PRDM16: variants seen among roughly 807,000 people sequenced by gnomAD.
PRDM16 encodes PR/SET domain 16, also known as histone-lysine N-methyltransferase PRDM16.
Under a neutral mutation model 110.6 loss-of-function variants are expected in PRDM16, and 23 were observed. The ratio of observed to expected loss-of-function variants is 0.21; its 90% CI spans 0.15 to 0.29. The LOEUF is 0.29. Ranked by LOEUF, PRDM16 falls within the 10% of genes least tolerant of loss-of-function variation. The pLI is 1.00. For missense variants in PRDM16, 1,615 were observed against 1,794.3 expected, an observed-to-expected ratio of 0.90 and a Z score of 1.81; for synonymous variants, 799 against 781.8, an observed-to-expected ratio of 1.02 and a Z score of -0.37.
At chr1:3,073,718 C>G (rs970934571) in intron 1 of PRDM16, among the ~76,000 whole-genome samples, 1 of 152,192 alleles carries the variant, frequency 6.6e-6, no homozygotes, top group Non-Finnish European at 1.5e-5. Context: ...TCCCACTCCC[C>G]GCGCACAAAG....
At chr1:3,189,102 T>C (rs1225097875) in intron 2 of PRDM16, among the ~76,000 whole-genome samples, 1 of 152,202 alleles carries the variant, frequency 6.6e-6, no homozygotes, top group Non-Finnish European at 1.5e-5. Context: ...CTTCTTCCTC[T>C]TGCCGACTGC....
chr1:3,424,307 C>T (rs1185626477), intron 12 of PRDM16, among the ~76,000 whole-genome samples: 1 of 152,256 alleles, frequency 6.6e-6, no homozygotes, highest in South Asian at 2.1e-4. Flanking sequence ...GAGAACAACC[C>T]TCCCTTTCCC....
At chr1:3,303,324 T>G (rs1036907724) in intron 3 of PRDM16, among the ~76,000 whole-genome samples, 2 of 152,140 alleles carry the variant, frequency 1.3e-5, no homozygotes, top group Non-Finnish European at 1.5e-5. Flanking sequence ...CTATACAATG[T>G]GCCATCCTCA....
At chr1:3,222,292 G>A (rs1460653382) in intron 2 of PRDM16, among the ~76,000 whole-genome samples, 2 of 149,528 alleles carry the variant, frequency 1.3e-5, no homozygotes, top group Non-Finnish European at 2.9e-5. Context: ...GGGAGGGAGC[G>A]GTGCCCCAGC....
intron 10 of PRDM16, among the ~76,000 whole-genome samples, chr1:3,416,161 T>C (rs75063997): frequency 0.06 from 9,166 of 152,284 alleles, 325 homozygotes; most frequent in South Asian, 0.093. Flanking sequence ...TTTCTGGGTA[T>C]TTTTATCGTA....
Position 3,412,029 on chromosome 1 carries a change from C to T in PRDM16, c.1832C>T (p.Thr611Met), listed in dbSNP as rs200936355. Residue 611 changes from threonine to methionine, a missense_variant, in exon 9 of 17, where the codon ACG (threonine) becomes ATG (methionine). Thr to Met is a moderately conservative substitution (Grantham distance 81). Around this residue, in one of 5 missense-constraint regions of PRDM16, gnomAD observed 772 missense variants for 748.3 expected, o/e 1.03. Coordinates refer to ENST00000270722, the MANE Select transcript of PRDM16 (RefSeq NM_022114.4). Reference protein sequence around the residue: ...GSDFEDVNTTTGTDLDTTTGT... With the variant: ...GSDFEDVNTTMGTDLDTTTGT... ...GACTTTGAGGACGTCAACACCACCA[C>T]GGGGACCGACCTGGACACGACCACG... 86 of 1,613,042 alleles carry T rather than the reference C, an allele frequency of 5.3e-5. No individual in the cohort carries two copies. The highest frequency in any genetic ancestry group is 1.3e-4 in the East Asian group (6 of 44,878).
intron 2 of PRDM16, among the ~76,000 whole-genome samples, chr1:3,223,190 A>T (rs376750998): frequency 2.8e-5 from 4 of 142,826 alleles, no homozygotes; most frequent in South Asian, 4.5e-4. Flanking sequence ...GCTCACTGCA[A>T]CCTCCGAAAA....
chr1:3,374,152 C>T lies in PRDM16; in HGVS notation c.439-11000C>T, dbSNP rs567996293. On this transcript the variant is annotated intron_variant, in intron 3 of 16. Coordinates refer to ENST00000270722, the MANE Select transcript of PRDM16 (RefSeq NM_022114.4). Reference sequence around the variant, plus strand: ...TCCCGGGGTCCCAGCCGCTGACCGCCAGGGGCCAGGGCCGGCTTTTCATGT... The same window carrying T: ...TCCCGGGGTCCCAGCCGCTGACCGCTAGGGGCCAGGGCCGGCTTTTCATGT... 3.9e-5 allele frequency among the ~76,000 whole-genome samples: 6 copies of T among 152,300 alleles called. No homozygotes were observed. In the South Asian group the frequency reaches 1.2e-3, roughly 32 times the overall value.
At chr1:3,335,504 A>C (rs1389620476) in intron 3 of PRDM16, among the ~76,000 whole-genome samples, 2 of 151,802 alleles carry the variant, frequency 1.3e-5, no homozygotes, top group Non-Finnish European at 2.9e-5. Flanking sequence ...AGCAGAGTTT[A>C]TTTCTTTTAA....
At position 3,409,601 on chromosome 1, in the gene PRDM16, G is replaced by A. The variant is rs114801517; in HGVS notation, c.1187-1783G>A. On this transcript the variant is annotated intron_variant, in intron 8 of 16. Coordinates refer to ENST00000270722, the MANE Select transcript of PRDM16 (RefSeq NM_022114.4). The stretch of plus-strand genomic sequence containing the variant: ...CTGAAATCATTGTTTCCACCACGCC[G>A]TGTTTAGGAAGCAAATTGTCCTACA... 1.1e-3 allele frequency among the ~76,000 whole-genome samples: 167 copies of A among 152,234 alleles called. 1 individual carries two copies. Among genetic ancestry groups the A allele is most frequent in the African/African-American group, 3.9e-3 (161 of 41,544 alleles).
intron 1 of PRDM16, among the ~76,000 whole-genome samples, chr1:3,183,797 G>A (rs866108377): frequency 2.6e-5 from 4 of 152,174 alleles, no homozygotes; most frequent in Admixed American, 6.5e-5. Flanking sequence ...CACTTGATGC[G>A]GACGCTGCCC....
intron 2 of PRDM16, among the ~76,000 whole-genome samples, chr1:3,221,907 T>C (rs1050089753): frequency 1.3e-5 from 2 of 152,246 alleles, no homozygotes; most frequent in African/African-American, 4.8e-5. Context: ...GGAGCCATCC[T>C]CAGAGTTTGC....
At chr1:3,272,284 A>C (rs562189487) in intron 3 of PRDM16, among the ~76,000 whole-genome samples, 1 of 152,300 alleles carries the variant, frequency 6.6e-6, no homozygotes, top group African/African-American at 2.4e-5. Flanking sequence ...GGGCGCTTTA[A>C]GGCCCATCTA....
At chr1:3,122,525 C>T (rs951607159) in intron 1 of PRDM16, among the ~76,000 whole-genome samples, 2 of 152,174 alleles carry the variant, frequency 1.3e-5, no homozygotes, top group East Asian at 3.9e-4. Context: ...CTGGGGGCTG[C>T]GAGTGGCCGC....
At chr1:3,422,175 CAGAT>C (rs372093053) in intron 12 of PRDM16, among the ~76,000 whole-genome samples, 86 of 142,122 alleles carry the variant, frequency 6.1e-4, no homozygotes, top group Middle Eastern at 4.2e-3. Context: ...GGCAGGAAGG[CAGAT>C]AGATAGATAG....
intron 1 of PRDM16, among the ~76,000 whole-genome samples, chr1:3,083,022 C>T (rs1378572902): frequency 2.6e-5 from 4 of 152,200 alleles, no homozygotes; most frequent in South Asian, 2.1e-4. Context: ...GCACCCGGAA[C>T]GCTCGCCTGT....
chr1:3,113,966 A>G (rs1385608265), intron 1 of PRDM16, among the ~76,000 whole-genome samples: 4 of 152,254 alleles, frequency 2.6e-5, no homozygotes, highest in African/African-American at 9.6e-5. Flanking sequence ...CGGGATGTGA[A>G]GGACAAACAC....
At chr1:3,133,416 C>T (rs531412527) in intron 1 of PRDM16, among the ~76,000 whole-genome samples, 165 of 152,350 alleles carry the variant, frequency 1.1e-3, no homozygotes, top group African/African-American at 3.5e-3. Context: ...TGGGGCTCGG[C>T]CTCCCGAAGC....
chr1:3,213,883 A>G lies in PRDM16; in HGVS notation c.387+27409A>G, dbSNP rs1338632210. Among the ~76,000 whole-genome samples, 1 of 152,124 alleles carries G rather than the reference A, an allele frequency of 6.6e-6. No individual in the cohort carries two copies. The highest frequency in any genetic ancestry group is 1.9e-4 in the East Asian group (1 of 5,178). ...ATTAATCCTGCAATTCCAGATCATT[A>G]TCAAGGTCACTGCCTGGTACATTAA... is the stretch of plus-strand genomic sequence containing the variant. On this transcript the variant is annotated intron_variant, in intron 2 of 16. Transcript: ENST00000270722. The surrounding 1 kb of genome is among the most constrained non-coding windows in gnomAD (Gnocchi z 5.3).
Sources: gnomAD v4.1 joint callset for allele counts (sites outside exome capture counted in the v4.1 genomes callset) on GRCh38, gnomAD v4.1.1 for gene constraint, gnomAD v4.1.1 regional missense constraint, Gnocchi (gnomAD v3.1) non-coding constraint, MANE v1.5 for transcripts, NCBI Gene and HGNC (gene_info 2026-07-23, HGNC 2026-07-21) for gene names.